The following FKBP5 variants were observed in gnomAD, a reference collection of about 807,000 sequenced individuals.
FKBP5 encodes the protein FKBP prolyl isomerase 5.
In FKBP5, 23 loss-of-function variants were observed where a neutral mutation model predicts 50.5. The observed-to-expected ratio is 0.46, with a 90% confidence interval of 0.33 to 0.65. The LOEUF is 0.65. Ranked by LOEUF, FKBP5 falls within the 30% of genes least tolerant of loss-of-function variation. The pLI, the probability that FKBP5 is intolerant of heterozygous loss-of-function variation, is 0.02. For synonymous variants in FKBP5, 176 were observed against 190.6 expected (o/e 0.92, Z 0.63); for missense variants, 411 against 553.1 (o/e 0.74, Z 2.58).
chr6:35,649,382 C>T (rs1012007095), intron 1 of FKBP5, among the ~76,000 whole-genome samples: 2 of 150,056 alleles, frequency 1.3e-5, no homozygotes, highest in African/African-American at 4.9e-5. Context: ...TCTGAAGATA[C>T]TACTGAGAAT....
chr6:35,714,841 T>C (rs1432903194), intron 2 of FKBP5, among the ~76,000 whole-genome samples: 1 of 151,894 alleles, frequency 6.6e-6, no homozygotes, highest in Non-Finnish European at 1.5e-5. Flanking sequence ...TTCTGTGTTC[T>C]ATAAAAATAA....
chr6:35,598,600 G>A (rs1269812304), intron 5 of FKBP5, among the ~76,000 whole-genome samples: 1 of 152,172 alleles, frequency 6.6e-6, no homozygotes, highest in South Asian at 2.1e-4. Flanking sequence ...TCTATTTTAA[G>A]TTTTTGATGT....
At chr6:35,684,210 G>A (rs6899478) in intron 1 of FKBP5, among the ~76,000 whole-genome samples, 114,974 of 149,484 alleles carry the variant, frequency 0.77, 44,516 homozygotes, top group African/African-American at 0.88. Flanking sequence ...GCAGGGTCTC[G>A]CTCTGTTGTC....
chr6:35,614,765 A>G (rs889969426), intron 5 of FKBP5, among the ~76,000 whole-genome samples: 1 of 152,138 alleles, frequency 6.6e-6, no homozygotes, highest in Admixed American at 6.6e-5. Context: ...AAGGGCAAAT[A>G]AACTTGTGGT....
intron 7 of FKBP5, among the ~76,000 whole-genome samples, chr6:35,590,836 A>G (rs187508387): frequency 2.0e-4 from 30 of 152,200 alleles, no homozygotes; most frequent in African/African-American, 7.2e-4. Flanking sequence ...TACAAAAAGA[A>G]CAAGTCTAGG....
intron 2 of FKBP5, among the ~76,000 whole-genome samples, chr6:35,716,323 C>T (rs1025974442): frequency 3.3e-5 from 5 of 152,058 alleles, no homozygotes; most frequent in Admixed American, 6.5e-5. Flanking sequence ...CAGTGAGCTA[C>T]GATTGTGCCA....
At chr6:35,720,019 T>C (rs1766583264) in intron 2 of FKBP5, among the ~76,000 whole-genome samples, 1 of 152,162 alleles carries the variant, frequency 6.6e-6, no homozygotes, top group Non-Finnish European at 1.5e-5. Context: ...GACAGAGTCA[T>C]GTTTTGCTTT....
At chr6:35,592,579 T>A (rs926982526) in intron 6 of FKBP5, among the ~76,000 whole-genome samples, 4 of 152,202 alleles carry the variant, frequency 2.6e-5, no homozygotes, top group African/African-American at 7.2e-5. Context: ...TTAAAAAAAT[T>A]CCTTAACTAC....
At chr6:35,587,147 T>C in intron 7 of FKBP5, 30 bp from the exon 8 acceptor site, 1 of 1,600,784 alleles carries the variant, frequency 6.2e-7, no homozygotes, top group Non-Finnish European at 8.6e-7. Flanking sequence ...AATGGTTAGA[T>C]GAACAGAGAG....
At chr6:35,578,925 C>A (rs1413140644) in intron 9 of FKBP5, among the ~76,000 whole-genome samples, 1 of 152,020 alleles carries the variant, frequency 6.6e-6, no homozygotes, top group African/African-American at 2.4e-5. Context: ...TTAATCCCAG[C>A]TCTTTGGAAG....
intron 1 of FKBP5, among the ~76,000 whole-genome samples, chr6:35,652,591 G>A (rs1010602665): frequency 3.9e-5 from 6 of 152,084 alleles, no homozygotes; most frequent in African/African-American, 1.2e-4. Context: ...GGAAATTCCC[G>A]CCTAATAAAC....
intron 2 of FKBP5, among the ~76,000 whole-genome samples, chr6:35,708,913 T>G (rs1191800590): frequency 6.6e-6 from 1 of 152,178 alleles, no homozygotes; most frequent in Non-Finnish European, 1.5e-5. Context: ...AATCCTGGTA[T>G]TGCCTGGCCA....
chr6:35,683,458 T>C (rs1298874867), intron 1 of FKBP5, among the ~76,000 whole-genome samples: 1 of 150,676 alleles, frequency 6.6e-6, no homozygotes, highest in Non-Finnish European at 1.5e-5. Flanking sequence ...TCATGCCTGG[T>C]ATATATATAT....
chr6:35,669,198 G>A (rs1267599084), intron 1 of FKBP5, among the ~76,000 whole-genome samples: 1 of 152,118 alleles, frequency 6.6e-6, no homozygotes, highest in Non-Finnish European at 1.5e-5. Context: ...CTGTAAAACA[G>A]GGACCTCCTC....
intron 2 of FKBP5, among the ~76,000 whole-genome samples, chr6:35,637,708 C>A (rs1245108991): frequency 6.6e-6 from 1 of 152,000 alleles, no homozygotes. Flanking sequence ...GTGATCCACC[C>A]GCCTCAGCCT....
intron 10 of FKBP5, among the ~76,000 whole-genome samples, chr6:35,576,388 A>C (rs745984383): frequency 1.3e-5 from 2 of 152,168 alleles, no homozygotes; most frequent in Non-Finnish European, 2.9e-5. Context: ...AAATGACAAA[A>C]GGGCTGGGCA....
chr6:35,680,751 C>T (rs180731701), intron 1 of FKBP5, among the ~76,000 whole-genome samples: 1 of 152,300 alleles, frequency 6.6e-6, no homozygotes. Flanking sequence ...TTGTATGCCT[C>T]CTCTTCTTTG....
rs923301780 is a variant in FKBP5, at chr6:35,659,539, G to C, written c.-19-16696C>G. 3.1e-4 allele frequency among the ~76,000 whole-genome samples: 26 copies of C among 85,044 alleles called. 8 individuals are homozygous for C. Among genetic ancestry groups the C allele is most frequent in the African/African-American group, 9.4e-4 (26 of 27,594 alleles). 55.8% of individuals were successfully genotyped at this position (85,044 alleles called of 152,430 possible). On this transcript the variant is annotated intron_variant, in intron 1 of 10. Transcript: ENST00000357266. ...TGGGATTATAGGCGTGAGCCACCAA[G>C]CCTGGCCGAATTCAATTTCTTTAAT...
At chr6:35,684,661 A>T (rs1031309331) in intron 1 of FKBP5, among the ~76,000 whole-genome samples, 2 of 152,196 alleles carry the variant, frequency 1.3e-5, no homozygotes, top group Non-Finnish European at 2.9e-5. Flanking sequence ...GTAAAAAACA[A>T]ATACAACAAA....
Sources: gnomAD v4.1 joint callset for allele counts (sites outside exome capture counted in the v4.1 genomes callset) on GRCh38, gnomAD v4.1.1 for gene constraint, MANE v1.5 for transcripts, NCBI Gene and HGNC (gene_info 2026-07-23, HGNC 2026-07-21) for gene names.